The following GRIN2A variants were observed in gnomAD, a reference collection of about 807,000 sequenced individuals.
GRIN2A encodes the protein glutamate receptor ionotropic, NMDA 2A.
GRIN2A carries 22 observed loss-of-function variants against 113.4 expected under a neutral mutation model. The observed-to-expected ratio is 0.19, with a 90% confidence interval of 0.14 to 0.28. GRIN2A has a LOEUF of 0.28. Among genes scored for constraint, GRIN2A ranks in the 10% least tolerant of loss-of-function variants. The probability of loss-of-function intolerance (pLI) is 1.00; values close to 1 mark genes in which losing one functional copy is unlikely to be tolerated. For synonymous variants in GRIN2A, 827 were observed against 738.4 expected (o/e 1.12, Z -1.94); for missense variants, 1,502 against 1,887.0 (o/e 0.80, Z 3.78).
intron 2 of GRIN2A, among the ~76,000 whole-genome samples, chr16:10,013,478 G>T (rs1317315020): frequency 2.0e-5 from 3 of 152,142 alleles, no homozygotes; most frequent in Non-Finnish European, 4.4e-5. Flanking sequence ...TTGCCCACAG[G>T]TCCTACTCTT....
intron 3 of GRIN2A, among the ~76,000 whole-genome samples, chr16:9,891,598 G>C (rs1286148418): frequency 6.6e-6 from 1 of 152,166 alleles, no homozygotes; most frequent in Non-Finnish European, 1.5e-5. Flanking sequence ...AGTCTAAGGG[G>C]GAGGATAGTC....
At chr16:9,769,799 C>G (rs1213525111) in intron 11 of GRIN2A, among the ~76,000 whole-genome samples, 2 of 152,160 alleles carry the variant, frequency 1.3e-5, no homozygotes, top group Non-Finnish European at 2.9e-5. Context: ...AAGAAAATGC[C>G]TAACACAGTG....
intron 11 of GRIN2A, among the ~76,000 whole-genome samples, chr16:9,797,801 C>T (rs980505968): frequency 6.6e-6 from 1 of 152,110 alleles, no homozygotes; most frequent in Non-Finnish European, 1.5e-5. Context: ...TGTCCTGGAC[C>T]CTGTAAGGTG....
In GRIN2A at chr16:9,840,634, G is replaced by C. The variant is rs2141341681; in HGVS notation, c.1651+13C>G. On this transcript the variant is annotated intron_variant, in intron 7 of 12. Transcript: ENST00000330684. ...CTTATAGGAAAGCAATAGTCACTATGAAATTCACACACCTAGAAAAGCAGA... is the reference window on the plus strand; with the variant it reads ...CTTATAGGAAAGCAATAGTCACTATCAAATTCACACACCTAGAAAAGCAGA... 6.2e-7 allele frequency: 1 copy of C among 1,611,012 alleles called. No homozygotes were observed. Among genetic ancestry groups the C allele is most frequent in the East Asian group, 2.2e-5 (1 of 44,810 alleles).
intron 2 of GRIN2A, among the ~76,000 whole-genome samples, chr16:10,093,507 C>T (rs796660026): frequency 6.6e-6 from 1 of 152,130 alleles, no homozygotes; most frequent in African/African-American, 2.4e-5. Context: ...GCATTGGCAC[C>T]TTCACTCAAG....
chr16:10,018,621 T>C (rs2046653254), intron 2 of GRIN2A, among the ~76,000 whole-genome samples: 1 of 152,178 alleles, frequency 6.6e-6, no homozygotes, highest in Non-Finnish European at 1.5e-5. Flanking sequence ...CTATTGCTGA[T>C]GCTGCACGAG....
At chr16:9,890,713 C>T (rs1422457436) in intron 4 of GRIN2A, among the ~76,000 whole-genome samples, 2 of 152,216 alleles carry the variant, frequency 1.3e-5, no homozygotes, top group Non-Finnish European at 2.9e-5. Context: ...ACTTCACTGT[C>T]TTTAAATTAT....
intron 10 of GRIN2A, among the ~76,000 whole-genome samples, chr16:9,800,335 C>G (rs535228014): frequency 3.3e-5 from 5 of 152,210 alleles, no homozygotes; most frequent in African/African-American, 1.2e-4. Flanking sequence ...CTGAAATGAT[C>G]ACTGTGGAAT....
At chr16:10,093,347 C>T (rs1422125130) in intron 2 of GRIN2A, among the ~76,000 whole-genome samples, 2 of 152,172 alleles carry the variant, frequency 1.3e-5, no homozygotes, top group Admixed American at 6.5e-5. Context: ...TCATCATAGG[C>T]ACATCCCAGG....
intron 2 of GRIN2A, among the ~76,000 whole-genome samples, chr16:10,154,441 A>G (rs756718875): frequency 6.6e-6 from 1 of 152,074 alleles, no homozygotes; most frequent in Non-Finnish European, 1.5e-5. Context: ...AATGCAATCT[A>G]ACATTATATA....
At chr16:9,967,484 T>A (rs1418711341) in intron 2 of GRIN2A, among the ~76,000 whole-genome samples, 1 of 152,168 alleles carries the variant, frequency 6.6e-6, no homozygotes, top group African/African-American at 2.4e-5. Flanking sequence ...GGCGGGTGGA[T>A]CACTTGAGGT....
chr16:9,765,618 T>A (rs1455349845), intron 12 of GRIN2A, among the ~76,000 whole-genome samples: 1 of 152,042 alleles, frequency 6.6e-6, no homozygotes, highest in Non-Finnish European at 1.5e-5. Flanking sequence ...CATGTGGGGG[T>A]GTGAGCCTAT....
chr16:9,810,472 T>C (rs1031709431), intron 10 of GRIN2A, among the ~76,000 whole-genome samples: 2 of 152,178 alleles, frequency 1.3e-5, no homozygotes, highest in African/African-American at 4.8e-5. Flanking sequence ...GCAGATATAA[T>C]TGTTTAAGGA....
In GRIN2A at chr16:9,760,374, A is replaced by ATTTTTTTTTTTTTTTTTTTTTTTTT. The variant is rs35189803; in HGVS notation, c.*2774_*2775insAAAAAAAAAAAAAAAAAAAAAAAAA. ...AAATTGACCATCTGATCAGTAGTTG[A>ATTTTTTTTTTTTTTTTTTTTTTTTT]TTTTTTTTTTTTTTTTTTTTTTTTG... is the stretch of plus-strand genomic sequence containing the variant. On this transcript the variant is annotated 3_prime_UTR_variant, in exon 13 of 13. Transcript: ENST00000330684. The ATTTTTTTTTTTTTTTTTTTTTTTTT allele has an allele frequency of 2.2e-5, 2 of 89,550 alleles. No homozygotes were observed. Among genetic ancestry groups the ATTTTTTTTTTTTTTTTTTTTTTTTT allele is most frequent in the East Asian group, 2.1e-4 (1 of 4,826 alleles). The allele number at this position is 89,550 out of a possible 1,614,324, so 5.5% of individuals were successfully genotyped here.
At chr16:10,111,935 T>G in intron 2 of GRIN2A, 1 of 749,538 alleles carries the variant, frequency 1.3e-6, no homozygotes, top group South Asian at 1.4e-5. Flanking sequence ...AGGATCAAGC[T>G]GATGGTGGCT....
At chr16:9,906,204 C>A (rs188470641) in intron 3 of GRIN2A, among the ~76,000 whole-genome samples, 1 of 152,288 alleles carries the variant, frequency 6.6e-6, no homozygotes, top group East Asian at 1.9e-4. Flanking sequence ...TTCTCAAAAC[C>A]CTGAAATGGA....
intron 2 of GRIN2A, among the ~76,000 whole-genome samples, chr16:10,128,509 T>C (rs2048993043): frequency 6.6e-6 from 1 of 152,168 alleles, no homozygotes; most frequent in South Asian, 2.1e-4. Context: ...ACCACCACTG[T>C]AGATGCTCCA....
chr16:9,762,721 C>T lies in GRIN2A; in HGVS notation c.*428G>A. ...TTTGTCTGTGTCAGGTTTACATGCA[C>T]ACCATATTGCTTATTCTGTATTAGA... On this transcript the variant is annotated 3_prime_UTR_variant, in exon 13 of 13. Transcript: ENST00000330684. The T allele has an allele frequency of 3.2e-6, 1 of 310,562 alleles. No homozygotes were observed. The allele number at this position is 310,562 out of a possible 1,614,324, so 19.2% of individuals were successfully genotyped here.
At chr16:9,913,497 C>T (rs1388276693) in intron 3 of GRIN2A, among the ~76,000 whole-genome samples, 1 of 152,042 alleles carries the variant, frequency 6.6e-6, no homozygotes, top group African/African-American at 2.4e-5. Flanking sequence ...TTTATGTTTC[C>T]CCTCTATATA....
Sources: allele counts gnomAD v4.1 joint callset (sites outside exome capture counted in the v4.1 genomes callset), GRCh38; gene constraint gnomAD v4.1.1; transcripts MANE v1.5; gene names NCBI Gene and HGNC (gene_info 2026-07-23, HGNC 2026-07-21).